Variants in GPR143 observed in about 807,000 individuals in gnomAD.
The protein encoded by GPR143 is G-protein coupled receptor 143.
Under a neutral mutation model 27.6 loss-of-function variants are expected in GPR143, and 8 were observed. That is an observed-to-expected ratio of 0.29 (90% CI 0.17 to 0.52). The LOEUF (loss-of-function observed/expected upper bound fraction) is 0.52, where lower values mean the gene tolerates loss of function less well. Ranked by LOEUF, GPR143 falls within the 20% of genes least tolerant of loss-of-function variation. GPR143 has a pLI of 0.96. For missense variants in GPR143, 303 were observed against 343.1 expected (o/e 0.88, Z 0.92); for synonymous variants, 156 against 153.2 (o/e 1.02, Z -0.13).
intron 8 of GPR143, among the ~76,000 whole-genome samples, chrX:9,733,477 G>A (rs1441109373): frequency 9.0e-6 from 1 of 111,047 alleles, no homozygotes; most frequent in East Asian, 2.8e-4. Context: ...CAGAATTGTG[G>A]GAAAGACAAG....
In GPR143 at chrX:9,765,807, G is replaced by T; in HGVS notation, c.11C>A (p.Pro4Gln). 1 of 1,117,348 alleles carries T rather than the reference G, an allele frequency of 8.9e-7. No individual in the cohort carries two copies. Among genetic ancestry groups the T allele is most frequent in the Non-Finnish European group, 1.2e-6 (1 of 852,712 alleles). 92.1% of individuals were successfully genotyped at this position (1,117,348 alleles called of 1,213,427 possible). Residue 4 changes from proline (P) to glutamine (Q), a missense_variant, in exon 1 of 9, where the codon CCG becomes CAG. Transcript: ENST00000467482. MAS[P>Q]RLGTFCCPTR... ...GGGGCAGCAGAAGGTCCCTAGGCGCGGGGAGGCCATGGGCTGTGTTCGCGG... is the reference window on the plus strand; with the variant it reads ...GGGGCAGCAGAAGGTCCCTAGGCGCTGGGAGGCCATGGGCTGTGTTCGCGG...
At chrX:9,764,150 G>A (rs2083515655) in intron 1 of GPR143, among the ~76,000 whole-genome samples, 1 of 110,909 alleles carries the variant, frequency 9.0e-6, no homozygotes, top group African/African-American at 3.3e-5. Flanking sequence ...ATTTACCCTA[G>A]CATGGTGGCG....
At chrX:9,769,163 G>T (rs893723108), upstream of GPR143, among the ~76,000 whole-genome samples, 4 of 111,871 alleles carry the variant, frequency 3.6e-5, no homozygotes, top group Admixed American at 9.5e-5. Flanking sequence ...GTACATGAAG[G>T]TACATCTGTT....
chrX:9,755,189 G>A (rs1048562197), intron 3 of GPR143, among the ~76,000 whole-genome samples: 26 of 111,541 alleles, frequency 2.3e-4, no homozygotes, highest in African/African-American at 7.5e-4. Context: ...ATGCCGAGGC[G>A]GGTGGATCAC....
chrX:9,761,609 T>C (rs1392049766), intron 1 of GPR143, among the ~76,000 whole-genome samples: 1 of 79,469 alleles, frequency 1.3e-5, no homozygotes, highest in African/African-American at 4.2e-5. Context: ...AGTTTGAATA[T>C]ATAGTTCCTT....
chrX:9,741,401 T>G lies in GPR143; in HGVS notation c.822A>C (p.Thr274=). Residue 274 remains threonine (T), a synonymous_variant, in exon 7 of 9, where the codon ACA becomes ACC. Coordinates refer to ENST00000467482, the MANE Select transcript of GPR143 (RefSeq NM_000273.3). ...GTTTCAAAGAACCTCCATTGATATC[T>G]GTTTGCATCTCAAGATAGAATAAAA... ...ESLLFYLEMQ[T]DINGGSLKPV... 17 of 1,168,812 alleles carry G rather than the reference T, an allele frequency of 1.5e-5. No individual in the cohort carries two copies. The highest frequency in any genetic ancestry group is 1.9e-5 in the Non-Finnish European group (16 of 856,510).
At chrX:9,766,903 TCACACACACACACACACACACA>T (rs58553907), upstream of GPR143, among the ~76,000 whole-genome samples, 16 of 86,895 alleles carry the variant, frequency 1.8e-4, no homozygotes, top group Admixed American at 6.8e-4. Context: ...TCTCTCTCTC[TCACACACACACACACACACACA>T]CACACACACA....
chrX:9,772,192 C>A (rs999258594), intron 1 of GPR143, among the ~76,000 whole-genome samples: 1 of 111,544 alleles, frequency 9.0e-6, no homozygotes, highest in African/African-American at 3.3e-5. Flanking sequence ...GGCAAATACG[C>A]GATTTGTGTT....
At chrX:9,732,536 T>C (rs1360554543) in intron 8 of GPR143, among the ~76,000 whole-genome samples, 1 of 110,563 alleles carries the variant, frequency 9.0e-6, no homozygotes, top group Admixed American at 9.6e-5. Flanking sequence ...ATAGAGAGAA[T>C]ACAATTACAA....
At chrX:9,727,928 T>C (rs1239984676) in intron 8 of GPR143, among the ~76,000 whole-genome samples, 1 of 112,740 alleles carries the variant, frequency 8.9e-6, no homozygotes, top group Non-Finnish European at 1.9e-5. Context: ...GTGCCTCTCT[T>C]TTTCTGCCTG....
At chrX:9,748,275 G>A (rs776341951) in intron 4 of GPR143, among the ~76,000 whole-genome samples, 1 of 112,936 alleles carries the variant, frequency 8.9e-6, no homozygotes, top group Admixed American at 9.3e-5. Flanking sequence ...CAGGGGCTGG[G>A]AATACACCTT....
At chrX:9,762,217 A>G (rs190805135) in intron 1 of GPR143, among the ~76,000 whole-genome samples, 1,824 of 110,880 alleles carry the variant, frequency 0.016, 38 homozygotes, top group African/African-American at 0.057. Context: ...TGGGGAAACC[A>G]CATCTCTACT....
At chrX:9,756,829 C>T in intron 3 of GPR143, among the ~76,000 whole-genome samples, 1 of 112,490 alleles carries the variant, frequency 8.9e-6, no homozygotes, top group African/African-American at 3.2e-5. Flanking sequence ...CAGTTTCTTA[C>T]CTGGTTATAC....
At chrX:9,761,941 G>GC (rs2083503455) in intron 1 of GPR143, among the ~76,000 whole-genome samples, 2 of 111,877 alleles carry the variant, frequency 1.8e-5, no homozygotes, top group Non-Finnish European at 3.8e-5. Flanking sequence ...ACAATAATTA[G>GC]CTGGAGGTGG....
At position 9,762,550 on chromosome X, in the gene GPR143, C is replaced by A. The variant is rs866825821; in HGVS notation, c.251-1724G>T. 6.3e-5 allele frequency among the ~76,000 whole-genome samples: 7 copies of A among 111,645 alleles called. No homozygotes were observed. The South Asian group carries it at 2.2e-3, about 36-fold the overall frequency. Reference sequence around the variant, plus strand: ...CACACCATATAATATGCAACACACACCATGCGATACACCACTAAACAAATG... The same window carrying A: ...CACACCATATAATATGCAACACACAACATGCGATACACCACTAAACAAATG... On this transcript the variant is annotated intron_variant, in intron 1 of 8. Coordinates refer to ENST00000467482, the MANE Select transcript of GPR143 (RefSeq NM_000273.3).
chrX:9,771,726 T>TTTTTTG, intron 1 of GPR143, among the ~76,000 whole-genome samples: 1 of 103,292 alleles, frequency 9.7e-6, no homozygotes. Flanking sequence ...TTTTTTTTTT[T>TTTTTTG]TGGATGGAGT....
chrX:9,755,007 A>T (rs1251793533), intron 3 of GPR143, among the ~76,000 whole-genome samples: 2 of 111,245 alleles, frequency 1.8e-5, no homozygotes, highest in Non-Finnish European at 3.8e-5. Flanking sequence ...CTGATTACCT[A>T]CTCAAAGCCA....
intron 1 of GPR143, among the ~76,000 whole-genome samples, chrX:9,775,863 C>T (rs1240985318): frequency 8.9e-6 from 1 of 111,924 alleles, no homozygotes; most frequent in Non-Finnish European, 1.9e-5. Flanking sequence ...GACAGACATG[C>T]CTATACACAT....
At chrX:9,744,609 G>A (rs2083419863) in intron 5 of GPR143, among the ~76,000 whole-genome samples, 1 of 111,145 alleles carries the variant, frequency 9.0e-6, no homozygotes, top group African/African-American at 3.3e-5. Context: ...GGAGGCTGAG[G>A]CAGGAGAATC....
Sources: gnomAD v4.1 joint callset for allele counts (sites outside exome capture counted in the v4.1 genomes callset) on GRCh38, gnomAD v4.1.1 for gene constraint, MANE v1.5 for transcripts, NCBI Gene and HGNC (gene_info 2026-07-23, HGNC 2026-07-21) for gene names.